The following LRRC46 variants were observed in gnomAD, a reference collection of about 807,000 sequenced individuals.
The protein encoded by LRRC46 is leucine rich repeat containing 46.
A neutral mutation model predicts 28.0 loss-of-function variants in LRRC46; 20 were observed. That is an observed-to-expected ratio of 0.71 (90% CI 0.50 to 1.04). LRRC46 has a LOEUF of 1.04. Among genes scored for constraint, LRRC46 ranks in the 50% least tolerant of loss-of-function variants. The pLI is 0.00. For missense variants in LRRC46, 315 were observed against 390.1 expected, an observed-to-expected ratio of 0.81 and a Z score of 1.62; for synonymous variants, 156 against 158.8, an observed-to-expected ratio of 0.98 and a Z score of 0.13.
chr17:47,832,395 A>C (rs1157183735), intron 2 of LRRC46, among the ~76,000 whole-genome samples, 190 bp downstream of exon 2: 1 of 152,182 alleles, frequency 6.6e-6, no homozygotes, highest in African/African-American at 2.4e-5. Context: ...TCCTCACTCA[A>C]CTGTCTTAGA....
Position 47,835,371 on chromosome 17 carries a change from G to A in LRRC46, c.244G>A (p.Glu82Lys). ...CTTGCAGAATAAGATCCAGCAAATT[G>A]AGAACCTGGCTTGCATCCCCTCCTT... ...YLQGNKIQQI[E>K]NLACIPSLRF... Residue 82 changes from glutamate to lysine, a missense_variant, in exon 4 of 8, where the codon GAG (glutamate) becomes AAG (lysine). Transcript: ENST00000269025. 1 of 1,614,172 alleles carries A rather than the reference G, an allele frequency of 6.2e-7. No homozygotes were observed. The highest frequency in any genetic ancestry group is 2.2e-5 in the East Asian group (1 of 44,892).
At position 47,837,164 on chromosome 17, in the gene LRRC46, GC is replaced by G. The variant is rs1273898041; in HGVS notation, c.*48del. The G allele has an allele frequency of 1.3e-6, 2 of 1,582,916 alleles. No individual in the cohort carries two copies. The highest frequency in any genetic ancestry group is 2.8e-5 in the African/African-American group (2 of 72,588). On this transcript the variant is annotated 3_prime_UTR_variant, in exon 8 of 8. Transcript: ENST00000269025. ...CTACTAGTGGAGAGGAGTGGGGCCT[GC>G]CCCTCTTCTCAGACCTCTGACCTGT...
At chr17:47,835,813 C>G in intron 5 of LRRC46, 38 bp downstream of exon 5, 1 of 1,551,282 alleles carries the variant, frequency 6.4e-7, no homozygotes, top group Non-Finnish European at 8.9e-7. Context: ...AAACACATCC[C>G]CTGTGGGGCC....
Position 47,831,999 on chromosome 17 carries a change from G to A in LRRC46, c.10G>A (p.Gly4Arg). 5 of 1,613,810 alleles carry A rather than the reference G, an allele frequency of 3.1e-6. 1 individual carries two copies. In the South Asian group the frequency reaches 4.4e-5, roughly 14 times the overall value. Residue 4 changes from glycine (G) to arginine (R), a missense_variant and splice_region_variant, in exon 1 of 8, where the codon GGG becomes AGG. Gly to Arg is a moderately radical substitution (Grantham distance 125, BLOSUM62 -2). Transcript: ENST00000269025. Reference sequence around the variant, plus strand: ...CCTTTTATTTTAGATCATGTCTGGAGGTGAGTAGGGAGGTGGGACGGTGGG... The same window carrying A: ...CCTTTTATTTTAGATCATGTCTGGAAGTGAGTAGGGAGGTGGGACGGTGGG... The part of the protein sequence containing the change: MSG[G>R]KSAQGPEEGG...
chr17:47,836,178 G>A lies in LRRC46; in HGVS notation c.452+76G>A. 6.3e-7 allele frequency: 1 copy of A among 1,586,732 alleles called. No individual in the cohort carries two copies. Among genetic ancestry groups the A allele is most frequent in the South Asian group, 1.1e-5 (1 of 90,314 alleles). On this transcript the variant is annotated intron_variant, in intron 6 of 7. Transcript: ENST00000269025. This position sits in a 1 kb window ranked among gnomAD's most constrained non-coding sequence, Gnocchi z 5.8. ...ACTCAGCCCAGACCCCTCTCAGCCT[G>A]CAAACCTGGGGTCCTGTCCATGACA... is the stretch of plus-strand genomic sequence containing the variant.
At chr17:47,834,362 C>T in intron 2 of LRRC46, 63 bp from the exon 3 acceptor site, 2 of 1,207,346 alleles carry the variant, frequency 1.7e-6, no homozygotes, top group Non-Finnish European at 2.4e-6. Context: ...CGTCTCCCAT[C>T]CTCCCTGCTA....
In LRRC46 at chr17:47,836,393, G is replaced by A. The variant is rs147341805; in HGVS notation, c.513G>A (p.Glu171=). The A allele has an allele frequency of 2.5e-4, 404 of 1,614,166 alleles. 1 individual carries two copies. Among genetic ancestry groups the A allele is most frequent in the African/African-American group, 1.9e-3 (143 of 75,038 alleles). Residue 171 remains glutamate (E), a synonymous_variant, in exon 7 of 8, where the codon GAG becomes GAA. Coordinates refer to ENST00000269025, the MANE Select transcript of LRRC46 (RefSeq NM_033413.4). This position sits in a 1 kb window ranked among gnomAD's most constrained non-coding sequence, Gnocchi z 5.8. ...ACCTGGACGGGCAGCCTGTGGTGGA[G>A]CGCTGGATTTCGGATGAGGAGGATG... ...LLDLDGQPVV[E]RWISDEEDEA...
chr17:47,835,481 C>T, intron 4 of LRRC46, 82 bp downstream of exon 4: 1 of 1,544,768 alleles, frequency 6.5e-7, no homozygotes. Context: ...CAGATTTCTC[C>T]AAGCCTGGGT....
At chr17:47,832,495 C>A (rs750905235) in intron 2 of LRRC46, among the ~76,000 whole-genome samples, 9 of 152,008 alleles carry the variant, frequency 5.9e-5, no homozygotes, top group Non-Finnish European at 1.3e-4. Context: ...TGAGACCAGC[C>A]TGGGCAATAG....
chr17:47,832,173 T>A lies in LRRC46; in HGVS notation c.84T>A (p.Thr28=). The change falls in exon 2 of 8, where the codon ACT becomes ACA. Residue 28 remains threonine, a synonymous_variant. Transcript: ENST00000269025. ...CCCTTATCACTAAGCGGAACTTGAC[T>A]TTCCCTGAAGATGGGGAACTGTCAG... ...TEALITKRNL[T]FPEDGELSEK... 6.2e-7 allele frequency: 1 copy of A among 1,600,738 alleles called. No homozygotes were observed. The highest frequency in any genetic ancestry group is 8.5e-7 in the Non-Finnish European group (1 of 1,171,870).
At position 47,835,646 on chromosome 17, in the gene LRRC46, A is replaced by C. The variant is rs1598045177; in HGVS notation, c.273-20A>C. 1 of 1,606,962 alleles carries C rather than the reference A, an allele frequency of 6.2e-7. No individual in the cohort carries two copies. The highest frequency in any genetic ancestry group is 1.7e-5 in the Admixed American group (1 of 59,968). On this transcript the variant is annotated intron_variant, in intron 4 of 7. Coordinates refer to ENST00000269025, the MANE Select transcript of LRRC46 (RefSeq NM_033413.4). ...TTCCATGATTCAGCTCTGCCTCTGTACCCCTTCCTTCCCCTACAGCTTCCT... is the reference window on the plus strand; with the variant it reads ...TTCCATGATTCAGCTCTGCCTCTGTCCCCCTTCCTTCCCCTACAGCTTCCT...
In LRRC46 at chr17:47,836,261, T is replaced by C. The variant is rs2033694387; in HGVS notation, c.453-72T>C. The stretch of plus-strand genomic sequence containing the variant: ...CCACCACCCCTCCGGGTGTGAGTGC[T>C]GTGGTGCGTGTCTTTGCATCCTCCA... On this transcript the variant is annotated intron_variant, in intron 6 of 7. Transcript: ENST00000269025. This position sits in a 1 kb window ranked among gnomAD's most constrained non-coding sequence, Gnocchi z 5.8. The C allele has an allele frequency of 1.9e-6, 3 of 1,598,490 alleles. No individual in the cohort carries two copies. Among genetic ancestry groups the C allele is most frequent in the African/African-American group, 1.3e-5 (1 of 74,748 alleles).
chr17:47,836,577 C>T lies in LRRC46; in HGVS notation c.595+102C>T. ...GCAGTGGCGTCCGGGGAGGGGAGCC[C>T]CAAGTTCAGATCAACATCTGGGCCA... On this transcript the variant is annotated intron_variant, in intron 7 of 7. Coordinates refer to ENST00000269025, the MANE Select transcript of LRRC46 (RefSeq NM_033413.4). The surrounding 1 kb of genome is among the most constrained non-coding windows in gnomAD (Gnocchi z 5.8). The T allele has an allele frequency of 6.5e-7, 1 of 1,526,990 alleles. No individual in the cohort carries two copies. Among genetic ancestry groups the T allele is most frequent in the Non-Finnish European group, 8.8e-7 (1 of 1,132,816 alleles). The allele number at this position is 1,526,990 out of a possible 1,614,324, so 94.6% of individuals were successfully genotyped here.
In LRRC46 at chr17:47,834,404, CCTTA is replaced by C. The variant is rs1344562160; in HGVS notation, c.117-18_117-15del. The stretch of plus-strand genomic sequence containing the variant: ...CACATGAGTGGTGCTCTAACACCAC[CCTTA>C]CTGACTCTTTTCCCAGGTTTCACAC... On this transcript the variant is annotated splice_polypyrimidine_tract_variant and intron_variant, in intron 2 of 7. Coordinates refer to ENST00000269025, the MANE Select transcript of LRRC46 (RefSeq NM_033413.4). 1.3e-6 allele frequency: 2 copies of C among 1,567,410 alleles called. No individual in the cohort carries two copies. Among genetic ancestry groups the C allele is most frequent in the South Asian group, 2.2e-5 (2 of 89,344 alleles).
Position 47,835,726 on chromosome 17 carries a change from C to G in LRRC46, c.333C>G (p.Cys111Trp). The change falls in exon 5 of 8, where the codon TGC (cysteine) becomes TGG (tryptophan). Residue 111 changes from cysteine (C) to tryptophan (W), a missense_variant. By Grantham distance (215) the Cys-to-Trp change is radical. Coordinates refer to ENST00000269025, the MANE Select transcript of LRRC46 (RefSeq NM_033413.4). ...RQVENLLDLP[C>W]LQFLDLSENL... ...TGGAAAACCTCCTCGACCTCCCATG[C>G]CTCCAGTTTCTGGACCTTTCTGAGA... 6.2e-7 allele frequency: 1 copy of G among 1,614,230 alleles called. No individual in the cohort carries two copies. Among genetic ancestry groups the G allele is most frequent in the Non-Finnish European group, 8.5e-7 (1 of 1,180,042 alleles).
chr17:47,835,870 C>A (rs2033688396), intron 5 of LRRC46, 95 bp downstream of exon 5: 3 of 1,319,868 alleles, frequency 2.3e-6, no homozygotes, highest in African/African-American at 1.5e-5. Context: ...TTAGCCATGC[C>A]CCTGCAGGTC....
chr17:47,836,073 A>G lies in LRRC46; in HGVS notation c.423A>G (p.Gly141=), dbSNP rs2033691896. 6.2e-7 allele frequency: 1 copy of G among 1,614,140 alleles called. No individual in the cohort carries two copies. The highest frequency in any genetic ancestry group is 8.5e-7 in the Non-Finnish European group (1 of 1,179,996). Reference sequence around the variant, plus strand: ...GCCTTCTCATCCTCAACCTGTCTGGAAACAGCTGCACCAACCAGGATGGCT... The same window carrying G: ...GCCTTCTCATCCTCAACCTGTCTGGGAACAGCTGCACCAACCAGGATGGCT... ...PQSLLILNLS[G]NSCTNQDGYR... is the part of the protein sequence containing the mutation. Residue 141 remains glycine, a synonymous_variant, in exon 6 of 8, where the codon GGA becomes GGG. Coordinates refer to ENST00000269025, the MANE Select transcript of LRRC46 (RefSeq NM_033413.4). The surrounding 1 kb of genome is among the most constrained non-coding windows in gnomAD (Gnocchi z 5.8).
chr17:47,835,454 A>G (rs2033682827), intron 4 of LRRC46, 55 bp downstream of exon 4: 1 of 1,597,524 alleles, frequency 6.3e-7, no homozygotes, highest in East Asian at 2.2e-5. Flanking sequence ...ACCTAGCCAT[A>G]TCCCAAAGAA....
chr17:47,833,251 T>G (rs1435617523), intron 2 of LRRC46, among the ~76,000 whole-genome samples: 1 of 152,126 alleles, frequency 6.6e-6, no homozygotes, highest in Admixed American at 6.5e-5. Flanking sequence ...TACTGTGAAT[T>G]TAGTGCACAG....
Sources: gnomAD v4.1 joint callset for allele counts (sites outside exome capture counted in the v4.1 genomes callset) on GRCh38, gnomAD v4.1.1 for gene constraint, Gnocchi (gnomAD v3.1) non-coding constraint, MANE v1.5 for transcripts, NCBI Gene and HGNC (gene_info 2026-07-23, HGNC 2026-07-21) for gene names.